The following SFI1 variants were observed in gnomAD, a reference collection of about 807,000 sequenced individuals.
SFI1 encodes protein SFI1 homolog.
Under a neutral mutation model 207.5 loss-of-function variants are expected in SFI1, and 195 were observed. The ratio of observed to expected loss-of-function variants is 0.94; its 90% CI spans 0.84 to 1.06. The LOEUF (loss-of-function observed/expected upper bound fraction) is 1.06. Among genes scored for constraint, SFI1 ranks in the 50% least tolerant of loss-of-function variants. The probability of loss-of-function intolerance (pLI) is 0.00; values close to 1 mark genes in which losing one functional copy is unlikely to be tolerated. For missense variants in SFI1, 1,634 were observed against 1,588.0 expected (o/e 1.03, Z -0.49); for synonymous variants, 630 against 598.9 (o/e 1.05, Z -0.76).
intron 2 of SFI1, among the ~76,000 whole-genome samples, chr22:31,520,199 C>G: frequency 6.6e-6 from 1 of 151,690 alleles, no homozygotes; most frequent in East Asian, 1.9e-4. Context: ...AAAGATAAGA[C>G]CTTGGCAGTC....
At chr22:31,601,437 T>C (rs372552622) in intron 15 of SFI1, among the ~76,000 whole-genome samples, 3 of 152,188 alleles carry the variant, frequency 2.0e-5, no homozygotes, top group African/African-American at 7.2e-5. Context: ...TTTCTACTTT[T>C]CTAATTCACC....
At chr22:31,598,153 ATTTTTTT>A (rs554085241) in intron 15 of SFI1, among the ~76,000 whole-genome samples, 1 of 138,180 alleles carries the variant, frequency 7.2e-6, no homozygotes, top group African/African-American at 2.7e-5. Flanking sequence ...AATTTTTTGT[ATTTTTTT>A]TTTTTTAGTA....
At position 31,603,360 on chromosome 22, in the gene SFI1, C is replaced by T. The variant is rs562503000; in HGVS notation, c.1806-384C>T. Reference sequence around the variant, plus strand: ...GGTGGGTTGTGGCAGTTTTTAACCACACCACGTAGTTAAGAGAGAGGAGGG... The same window carrying T: ...GGTGGGTTGTGGCAGTTTTTAACCATACCACGTAGTTAAGAGAGAGGAGGG... On this transcript the variant is annotated intron_variant, in intron 17 of 32. Transcript: ENST00000400288. Among the ~76,000 whole-genome samples, 7 of 152,308 alleles carry T rather than the reference C, an allele frequency of 4.6e-5. No homozygotes were observed. The South Asian group carries it at 1.0e-3, about 23-fold the overall frequency.
At chr22:31,605,052 G>C in intron 20 of SFI1, 107 bp downstream of exon 20, 1 of 938,676 alleles carries the variant, frequency 1.1e-6, no homozygotes, top group Non-Finnish European at 1.6e-6. Context: ...GGATGATCCC[G>C]GGTTCCTAGT....
intron 7 of SFI1, among the ~76,000 whole-genome samples, chr22:31,558,317 G>A (rs766400035): frequency 2.0e-5 from 3 of 151,990 alleles, no homozygotes; most frequent in South Asian, 2.1e-4. Context: ...GCTTGAGGCC[G>A]GGAGTTTGAG....
At chr22:31,559,596 A>G in intron 7 of SFI1, 1 of 666,392 alleles carries the variant, frequency 1.5e-6, no homozygotes, top group South Asian at 1.4e-5. Flanking sequence ...ATGTGGGTTG[A>G]CAGTACACTC....
chr22:31,515,949 G>C (rs1370762403), intron 2 of SFI1, among the ~76,000 whole-genome samples: 2 of 151,804 alleles, frequency 1.3e-5, no homozygotes, highest in Non-Finnish European at 2.9e-5. Flanking sequence ...TGTTGGCCAG[G>C]CTGGTCTTGA....
At chr22:31,556,213 T>A (rs1569299519) in intron 6 of SFI1, among the ~76,000 whole-genome samples, 1 of 151,610 alleles carries the variant, frequency 6.6e-6, no homozygotes, top group Non-Finnish European at 1.5e-5. Context: ...CAATTGAAAT[T>A]TTTTTTTCTT....
chr22:31,528,785 C>CTAG lies in SFI1; in HGVS notation c.191_193dup (p.Ser64dup). ...TCCTTTGGGATCCGGAGGGAGTTAC[C>CTAG]TAGTACCAGTCATCTAGTGCAGTAT... On this transcript the variant is annotated inframe_insertion, in exon 3 of 33. Transcript: ENST00000400288. The CTAG allele has an allele frequency of 6.2e-7, 1 of 1,614,138 alleles. No individual in the cohort carries two copies. The highest frequency in any genetic ancestry group is 8.5e-7 in the Non-Finnish European group (1 of 1,180,012).
intron 7 of SFI1, among the ~76,000 whole-genome samples, chr22:31,560,400 C>CTTTTTT (rs398061887): frequency 4.0e-5 from 5 of 125,540 alleles, no homozygotes; most frequent in African/African-American, 6.0e-5. Context: ...TGGTAATACT[C>CTTTTTT]TTTTTTTTTT....
chr22:31,552,043 T>A (rs190912152), intron 6 of SFI1, among the ~76,000 whole-genome samples: 5 of 152,274 alleles, frequency 3.3e-5, no homozygotes. Flanking sequence ...CTTCCCCTCG[T>A]TTGGAGTCCC....
intron 15 of SFI1, among the ~76,000 whole-genome samples, chr22:31,601,273 A>G (rs1218984181): frequency 1.3e-5 from 2 of 150,464 alleles, no homozygotes; most frequent in Admixed American, 6.7e-5. Context: ...ACAGGCGCCC[A>G]CCACCAGGCC....
intron 7 of SFI1, among the ~76,000 whole-genome samples, chr22:31,558,609 C>T (rs887668691): frequency 2.0e-5 from 3 of 151,720 alleles, no homozygotes; most frequent in Non-Finnish European, 4.4e-5. Flanking sequence ...TCTCGAGTAG[C>T]TGGGATTACA....
At position 31,613,872 on chromosome 22, in the gene SFI1, C is replaced by T; in HGVS notation, c.2996+17C>T. The T allele has an allele frequency of 6.3e-7, 1 of 1,577,384 alleles. No homozygotes were observed. The highest frequency in any genetic ancestry group is 8.6e-7 in the Non-Finnish European group (1 of 1,160,906). On this transcript the variant is annotated intron_variant, in intron 27 of 32. Transcript: ENST00000400288. ...CCTGGAGCTGTGAGTAGCCTGTGCT[C>T]ACCTTGTCCTCGCTTCCACCCTGGG...
chr22:31,541,911 G>T (rs1339042865), intron 4 of SFI1, among the ~76,000 whole-genome samples: 1 of 151,602 alleles, frequency 6.6e-6, no homozygotes, highest in South Asian at 2.1e-4. Flanking sequence ...GACCATCCTG[G>T]CTAACATGGT....
intron 12 of SFI1, 70 bp downstream of exon 12, chr22:31,580,434 T>TG (rs2063982761): frequency 1.5e-6 from 2 of 1,342,060 alleles, no homozygotes; most frequent in Non-Finnish European, 2.1e-6. Flanking sequence ...TTTTCAGTCT[T>TG]GCCAAATTAA....
chr22:31,569,593 G>GAAA (rs2062738768), intron 8 of SFI1, among the ~76,000 whole-genome samples: 1 of 152,118 alleles, frequency 6.6e-6, no homozygotes, highest in Admixed American at 6.6e-5. Context: ...ATATAAAACA[G>GAAA]AACTTTAAGT....
chr22:31,603,946 G>A, intron 18 of SFI1, 127 bp downstream of exon 18: 1 of 918,440 alleles, frequency 1.1e-6, no homozygotes, highest in Non-Finnish European at 1.6e-6. Context: ...AGAACAGGCA[G>A]CATAGAAAGT....
rs1172562493 is a variant in SFI1, at chr22:31,580,429, A to G, written c.1248+65A>G. 3 of 1,375,574 alleles carry G rather than the reference A, an allele frequency of 2.2e-6. No homozygotes were observed. In the East Asian group the frequency reaches 7.1e-5, roughly 33 times the overall value. The allele number at this position is 1,375,574 out of a possible 1,614,324, so 85.2% of individuals were successfully genotyped here. A position where few individuals can be genotyped will look rare whatever the true frequency, so the allele number is the denominator to read the frequency against. On this transcript the variant is annotated intron_variant, in intron 12 of 32. Coordinates refer to ENST00000400288, the MANE Select transcript of SFI1 (RefSeq NM_001007467.3). ...GCCATTCTCTCTCGCTCTTTTTTTC[A>G]GTCTTGCCAAATTAAGCAGAACTCT...
Sources: allele counts gnomAD v4.1 joint callset (sites outside exome capture counted in the v4.1 genomes callset), GRCh38; gene constraint gnomAD v4.1.1; transcripts MANE v1.5; gene names NCBI Gene and HGNC (gene_info 2026-07-23, HGNC 2026-07-21).